SPON1: variants seen among roughly 807,000 people sequenced by gnomAD.
SPON1 encodes spondin 1.
SPON1 carries 52 observed loss-of-function variants against 111.7 expected under a neutral mutation model. That is an observed-to-expected ratio of 0.47 (90% CI 0.37 to 0.59). SPON1 has a LOEUF of 0.59. Among genes scored for constraint, SPON1 ranks in the 20% least tolerant of loss-of-function variants. SPON1 has a pLI of 0.00. For missense variants in SPON1, 957 were observed against 1,068.5 expected, an observed-to-expected ratio of 0.90 and a Z score of 1.46; for synonymous variants, 410 against 395.8, an observed-to-expected ratio of 1.04 and a Z score of -0.43.
chr11:14,129,109 G>A (rs577721465), intron 5 of SPON1, among the ~76,000 whole-genome samples: 55 of 152,242 alleles, frequency 3.6e-4, no homozygotes, highest in African/African-American at 1.3e-3. Context: ...TTTCCCCATT[G>A]TCTTGACTAT....
chr11:13,992,227 G>A (rs1195607450), intron 2 of SPON1, among the ~76,000 whole-genome samples: 1 of 152,200 alleles, frequency 6.6e-6, no homozygotes, highest in Non-Finnish European at 1.5e-5. Flanking sequence ...CCCTGACTGG[G>A]GCTGCTGCCT....
chr11:14,219,550 T>A (rs1476778980), intron 6 of SPON1, among the ~76,000 whole-genome samples: 1 of 152,166 alleles, frequency 6.6e-6, no homozygotes, highest in Non-Finnish European at 1.5e-5. Context: ...CTGGTATGAA[T>A]CCTCTAAAGT....
chr11:14,208,304 GA>G (rs1196411092), intron 6 of SPON1, among the ~76,000 whole-genome samples: 30 of 151,930 alleles, frequency 2.0e-4, no homozygotes, highest in African/African-American at 7.2e-4. Flanking sequence ...AAACGCCAGT[GA>G]CACAAGTTTA....
At chr11:14,206,433 C>T (rs1406336798) in intron 6 of SPON1, among the ~76,000 whole-genome samples, 5 of 152,134 alleles carry the variant, frequency 3.3e-5, no homozygotes, top group African/African-American at 7.2e-5. Context: ...CCTCGTGATC[C>T]GCCCACCTCA....
At chr11:14,240,829 A>G (rs7116756) in intron 6 of SPON1, among the ~76,000 whole-genome samples, 112,199 of 151,952 alleles carry the variant, frequency 0.74, 41,657 homozygotes, top group Non-Finnish European at 0.77. Flanking sequence ...TCTCATTACC[A>G]GGATCTGATA....
At chr11:13,977,273 T>A (rs771606360) in intron 1 of SPON1, among the ~76,000 whole-genome samples, 8 of 152,248 alleles carry the variant, frequency 5.3e-5, no homozygotes, top group Non-Finnish European at 1.0e-4. Context: ...TGCCAAAGAA[T>A]TTAGCAGCAA....
chr11:14,042,080 G>A (rs1478023247), intron 3 of SPON1, among the ~76,000 whole-genome samples: 2 of 151,730 alleles, frequency 1.3e-5, no homozygotes, highest in African/African-American at 4.8e-5. Flanking sequence ...TCCACTTTAT[G>A]ATGCTATCTT....
chr11:14,160,963 T>A lies in SPON1; in HGVS notation c.825+25395T>A, dbSNP rs185860625. 3.3e-4 allele frequency among the ~76,000 whole-genome samples: 19 copies of A among 58,068 alleles called. 2 individuals carry two copies. The highest frequency in any genetic ancestry group is 8.6e-4 in the African/African-American group (12 of 13,956). The allele number at this position is 58,068 out of a possible 152,430, so 38.1% of individuals were successfully genotyped here. A position where few individuals can be genotyped will look rare whatever the true frequency, so the allele number is the denominator to read the frequency against. ...TATATATTTATATATTTATATATAT[T>A]TATATATATTTTTATATATTTATAT... On this transcript the variant is annotated intron_variant, in intron 6 of 15. Coordinates refer to ENST00000576479, the MANE Select transcript of SPON1 (RefSeq NM_006108.4).
chr11:13,972,404 A>G (rs1310213075), intron 1 of SPON1, among the ~76,000 whole-genome samples: 1 of 152,202 alleles, frequency 6.6e-6, no homozygotes, highest in Non-Finnish European at 1.5e-5. Flanking sequence ...TTAATCCAGC[A>G]TGTTTGGATC....
chr11:14,173,122 A>T (rs1848127553), intron 6 of SPON1, among the ~76,000 whole-genome samples: 1 of 151,954 alleles, frequency 6.6e-6, no homozygotes, highest in Non-Finnish European at 1.5e-5. Context: ...CGTCACTTTC[A>T]GGTACACCAA....
chr11:14,121,613 TCTTTA>T (rs1319589929), intron 5 of SPON1, among the ~76,000 whole-genome samples: 120 of 152,240 alleles, frequency 7.9e-4, no homozygotes, highest in African/African-American at 2.7e-3. Flanking sequence ...AACTTGAACC[TCTTTA>T]CTTAAAGGGA....
In SPON1 at chr11:14,149,986, A is replaced by AT. The variant is rs200216427; in HGVS notation, c.825+14420dup. Among the ~76,000 whole-genome samples the AT allele has an allele frequency of 8.4e-3, 1,278 of 152,268 alleles. 14 individuals carry two copies. Among genetic ancestry groups the AT allele is most frequent in the African/African-American group, 0.029 (1,192 of 41,546 alleles). On this transcript the variant is annotated intron_variant, in intron 6 of 15. Transcript: ENST00000576479. ...GGAAAGACTGACAGAAAAACAGGTG[A>AT]TTACACCAGTATGATGAAGAGACAA...
chr11:14,161,265 ATATCTGT>A (rs1162556832), intron 6 of SPON1, among the ~76,000 whole-genome samples: 2 of 43,280 alleles, frequency 4.6e-5, no homozygotes, highest in African/African-American at 1.5e-4. Flanking sequence ...ATATATTTAT[ATATCTGT>A]ATATCTATAT....
Position 14,231,595 on chromosome 11 carries a change from T to G in SPON1, c.826-11737T>G, listed in dbSNP as rs1848803821. ...TTTTTGTAATGTTCTTATATATCCT[T>G]CCAGAGATACTTTATGCAACTAGAA... is the stretch of plus-strand genomic sequence containing the variant. On this transcript the variant is annotated intron_variant, in intron 6 of 15. Transcript: ENST00000576479. Among the ~76,000 whole-genome samples, 3 of 152,182 alleles carry G rather than the reference T, an allele frequency of 2.0e-5. No individual in the cohort carries two copies. In the South Asian group the frequency reaches 6.2e-4, roughly 32 times the overall value.
chr11:14,102,221 T>C (rs1554924444), intron 5 of SPON1, among the ~76,000 whole-genome samples: 1 of 152,204 alleles, frequency 6.6e-6, no homozygotes, highest in Admixed American at 6.5e-5. Flanking sequence ...AAAGCAATAC[T>C]GTATCATATC....
intron 2 of SPON1, among the ~76,000 whole-genome samples, chr11:13,997,831 G>C (rs1200276189): frequency 6.6e-6 from 1 of 152,128 alleles, no homozygotes; most frequent in East Asian, 1.9e-4. Flanking sequence ...TCAATTGCTG[G>C]TTTTATGAAC....
At chr11:14,134,965 T>TA (rs1847573615) in intron 5 of SPON1, 1 of 153,090 alleles carries the variant, frequency 6.5e-6, no homozygotes, top group African/African-American at 2.4e-5. Context: ...CACACAATGT[T>TA]ATTTAATGTT....
intron 5 of SPON1, among the ~76,000 whole-genome samples, chr11:14,105,722 C>A (rs1233610863): frequency 6.6e-6 from 1 of 152,036 alleles, no homozygotes. Flanking sequence ...ATTTCTGAAA[C>A]CTTTGCTTCA....
chr11:14,139,399 T>C (rs1160918952), intron 6 of SPON1, among the ~76,000 whole-genome samples: 1 of 152,206 alleles, frequency 6.6e-6, no homozygotes. Flanking sequence ...TCTCCTATTG[T>C]TAGCATCATC....
Sources: allele counts gnomAD v4.1 joint callset (sites outside exome capture counted in the v4.1 genomes callset), GRCh38; gene constraint gnomAD v4.1.1; transcripts MANE v1.5; gene names NCBI Gene and HGNC (gene_info 2026-07-23, HGNC 2026-07-21).